TTLL11: variants seen among roughly 807,000 people sequenced by gnomAD.
TTLL11 encodes tubulin tyrosine ligase like 11.
A neutral mutation model predicts 51.7 loss-of-function variants in TTLL11; 42 were observed. The observed-to-expected ratio is 0.81, with a 90% CI of 0.64 to 1.05. The LOEUF (loss-of-function observed/expected upper bound fraction) is 1.05, where lower values mean the gene tolerates loss of function less well. Among genes scored for constraint, TTLL11 ranks in the 50% least tolerant of loss-of-function variants. The pLI is 0.00. For synonymous variants in TTLL11, 381 were observed against 383.5 expected, an observed-to-expected ratio of 0.99 and a Z score of 0.08; for missense variants, 799 against 940.4, an observed-to-expected ratio of 0.85 and a Z score of 1.97.
intron 6 of TTLL11, among the ~76,000 whole-genome samples, chr9:121,919,882 A>G (rs1274500514): frequency 6.6e-6 from 1 of 151,534 alleles, no homozygotes; most frequent in Non-Finnish European, 1.5e-5. Context: ...GAAATATCCT[A>G]ATATTAACAC....
At chr9:122,043,944 G>A (rs1472571746) in intron 1 of TTLL11, among the ~76,000 whole-genome samples, 1 of 151,690 alleles carries the variant, frequency 6.6e-6, no homozygotes, top group Non-Finnish European at 1.5e-5. Context: ...TGCCATGTTG[G>A]TGTGCTGCAC....
chr9:122,012,503 T>C (rs560886753), intron 3 of TTLL11, among the ~76,000 whole-genome samples: 1 of 152,026 alleles, frequency 6.6e-6, no homozygotes, highest in Non-Finnish European at 1.5e-5. Flanking sequence ...AAATTCCACA[T>C]AATAAATCAG....
intron 6 of TTLL11, among the ~76,000 whole-genome samples, chr9:121,871,226 T>C (rs1345026718): frequency 7.0e-6 from 1 of 142,688 alleles, no homozygotes; most frequent in East Asian, 2.0e-4. Flanking sequence ...GCTTAACTGT[T>C]TTTTTTTTTT....
At chr9:121,886,171 C>A (rs2131429254) in intron 6 of TTLL11, among the ~76,000 whole-genome samples, 1 of 152,314 alleles carries the variant, frequency 6.6e-6, no homozygotes, top group Non-Finnish European at 1.5e-5. Flanking sequence ...AGCCTGGGTT[C>A]CGTGCCCTAT....
chr9:121,899,385 A>T (rs1241669385), intron 6 of TTLL11, among the ~76,000 whole-genome samples: 2 of 113,562 alleles, frequency 1.8e-5, no homozygotes, highest in African/African-American at 5.8e-5. Flanking sequence ...ATACATATAT[A>T]TATATATATA....
chr9:121,905,919 G>A (rs4518734), intron 6 of TTLL11, among the ~76,000 whole-genome samples: 26,520 of 152,072 alleles, frequency 0.17, 2,570 homozygotes, highest in Admixed American at 0.23. Context: ...TTTAGTCTAT[G>A]ACTTTGTGAG....
chr9:121,899,511 C>T (rs1308321540), intron 6 of TTLL11, among the ~76,000 whole-genome samples: 2 of 151,758 alleles, frequency 1.3e-5, no homozygotes, highest in African/African-American at 4.8e-5. Context: ...TCAAAAGATC[C>T]TCCTGCCTCA....
chr9:121,972,112 C>T (rs191799341), intron 6 of TTLL11, among the ~76,000 whole-genome samples: 98 of 150,398 alleles, frequency 6.5e-4, no homozygotes, highest in African/African-American at 2.3e-3. Flanking sequence ...CACATGTATC[C>T]CAGAACTTAA....
intron 6 of TTLL11, among the ~76,000 whole-genome samples, chr9:121,928,893 C>A (rs554090843): frequency 6.6e-6 from 1 of 152,144 alleles, no homozygotes; most frequent in Non-Finnish European, 1.5e-5. Context: ...AAATGCTATT[C>A]ATTTACAGTC....
At chr9:122,032,535 G>C (rs1218664098) in intron 2 of TTLL11, among the ~76,000 whole-genome samples, 1 of 151,586 alleles carries the variant, frequency 6.6e-6, no homozygotes, top group East Asian at 2.0e-4. Flanking sequence ...ATGTCTCACT[G>C]TTATAAAACA....
At chr9:121,915,758 T>C (rs141363283) in intron 6 of TTLL11, among the ~76,000 whole-genome samples, 1 of 152,278 alleles carries the variant, frequency 6.6e-6, no homozygotes, top group Non-Finnish European at 1.5e-5. Context: ...TTGGCTACTT[T>C]ATGTTATCTT....
intron 6 of TTLL11, among the ~76,000 whole-genome samples, chr9:121,895,420 G>T (rs780049292): frequency 2.6e-5 from 4 of 151,548 alleles, no homozygotes; most frequent in Admixed American, 6.6e-5. Flanking sequence ...GTGCATGAGT[G>T]TGCGCTGCGT....
chr9:121,831,414 G>A (rs958570003), intron 8 of TTLL11, among the ~76,000 whole-genome samples: 3 of 152,150 alleles, frequency 2.0e-5, no homozygotes, highest in Non-Finnish European at 4.4e-5. Flanking sequence ...TTAAGAGAAT[G>A]GTCTGGCTGG....
chr9:121,837,367 G>A (rs1837209469), intron 8 of TTLL11, among the ~76,000 whole-genome samples: 1 of 152,086 alleles, frequency 6.6e-6, no homozygotes, highest in Admixed American at 6.5e-5. Context: ...CTTGGGGTTG[G>A]GATCTTCAAG....
intron 1 of TTLL11, among the ~76,000 whole-genome samples, chr9:122,061,290 T>A (rs1483961463): frequency 6.6e-6 from 1 of 152,248 alleles, no homozygotes. Context: ...TAAGGTCATA[T>A]TCACAGATAC....
rs186526220 is a variant in TTLL11, at chr9:121,893,303, C to T, written c.1482-22555G>A. ...TGTTAACATGTTGGTGTTTTATTTC[C>T]AGAATTTCTTCTCTGTCTGTCTCTC... On this transcript the variant is annotated intron_variant, in intron 6 of 8. Transcript: ENST00000321582. Among the ~76,000 whole-genome samples, 9 of 130,532 alleles carry T rather than the reference C, an allele frequency of 6.9e-5. No individual in the cohort carries two copies. The East Asian group carries it at 2.2e-3, about 32-fold the overall frequency. 85.6% of individuals were successfully genotyped at this position (130,532 alleles called of 152,430 possible).
At chr9:122,023,491 AT>A (rs1588213656) in intron 3 of TTLL11, among the ~76,000 whole-genome samples, 1 of 152,168 alleles carries the variant, frequency 6.6e-6, no homozygotes, top group Middle Eastern at 3.4e-3. Flanking sequence ...TTACAAAAAA[AT>A]AAAAATAAAA....
intron 3 of TTLL11, among the ~76,000 whole-genome samples, chr9:122,013,691 A>G (rs1224969057): frequency 1.3e-5 from 2 of 152,078 alleles, no homozygotes; most frequent in Non-Finnish European, 2.9e-5. Context: ...AGATAAAGGA[A>G]TTGCGATTGC....
chr9:122,052,129 T>C (rs758985753), intron 1 of TTLL11, among the ~76,000 whole-genome samples: 39 of 152,156 alleles, frequency 2.6e-4, no homozygotes, highest in Non-Finnish European at 4.7e-4. Flanking sequence ...CAGTTCTATC[T>C]GCCAAATGTG....
Sources: gnomAD v4.1 joint callset for allele counts (sites outside exome capture counted in the v4.1 genomes callset) on GRCh38, gnomAD v4.1.1 for gene constraint, MANE v1.5 for transcripts, NCBI Gene and HGNC (gene_info 2026-07-23, HGNC 2026-07-21) for gene names.